The following FAM47E variants were observed in gnomAD, a reference collection of about 807,000 sequenced individuals.
FAM47E encodes the protein protein FAM47E.
FAM47E carries 32 observed loss-of-function variants against 41.6 expected under a neutral mutation model. That is an observed-to-expected ratio of 0.77 (90% CI 0.58 to 1.03). The LOEUF (loss-of-function observed/expected upper bound fraction) is 1.03, where lower values mean the gene tolerates loss of function less well. FAM47E is among the 50% of genes least tolerant of loss of function. The probability of loss-of-function intolerance (pLI) is 0.00; values close to 1 mark genes in which losing one functional copy is unlikely to be tolerated. For synonymous variants in FAM47E, 184 were observed against 188.7 expected (o/e 0.98, Z 0.20); for missense variants, 424 against 485.4 (o/e 0.87, Z 1.19).
In FAM47E at chr4:76,241,275, AAG is replaced by A. The variant is rs200992139; in HGVS notation, c.82-22425_82-22424del. 9.0e-3 allele frequency among the ~76,000 whole-genome samples: 1,378 copies of A among 152,270 alleles called. 15 individuals carry two copies. Among genetic ancestry groups the A allele is most frequent in the Middle Eastern group, 0.017 (5 of 294 alleles). ...TGTCTGGCTTCCAAAAATGGAGAAA[AAG>A]AGAAAAATGAAGGGCAGAAAAAGGC... On this transcript the variant is annotated intron_variant, in intron 2 of 7. Coordinates refer to the FAM47E transcript ENST00000510197.
rs775026509 is a variant in FAM47E, at chr4:76,278,168, C to A, written c.970C>A (p.Pro324Thr). The change falls in exon 6 of 8, where the codon CCT becomes ACT. Residue 324 changes from proline (P) to threonine (T), a missense_variant. Transcript: ENST00000424749. ...KQRVDEPLVD[P>T]EVSHKAQEEN... is the part of the protein sequence containing the mutation. The stretch of plus-strand genomic sequence containing the variant: ...AAGAGTAGACGAGCCTCTGGTTGAC[C>A]CTGAGGTCTCACATAAGGCTCAAGA... The A allele has an allele frequency of 3.9e-6, 6 of 1,550,604 alleles. No homozygotes were observed. In the South Asian group the frequency reaches 7.2e-5, roughly 18 times the overall value.
intron 6 of FAM47E, 165 bp from the exon 7 acceptor site, chr4:76,280,099 C>T (rs1735283179): frequency 2.0e-6 from 1 of 495,412 alleles, no homozygotes; most frequent in Non-Finnish European, 3.6e-6. Context: ...CTTTAAAAGC[C>T]TTCATATTCA....
At chr4:76,282,644 AG>A (rs1480590556) in intron 7 of FAM47E, 1 of 152,190 alleles carries the variant, frequency 6.6e-6, no homozygotes, top group African/African-American at 2.4e-5. Flanking sequence ...CAATAGTTTC[AG>A]GGGGTCTCCC....
chr4:76,237,498 T>C (rs562329107), intron 2 of FAM47E, among the ~76,000 whole-genome samples: 15 of 152,196 alleles, frequency 9.9e-5, no homozygotes, highest in Admixed American at 6.5e-4. Context: ...TCCAGCTCCA[T>C]GTATCATTAG....
intron 4 of FAM47E, among the ~76,000 whole-genome samples, chr4:76,270,197 A>G (rs1223424207): frequency 2.3e-5 from 3 of 130,026 alleles, no homozygotes; most frequent in Non-Finnish European, 3.6e-5. Flanking sequence ...TTCTCAATCA[A>G]TATTTCCCCA....
Position 76,277,954 on chromosome 4 carries a change from G to A in FAM47E, c.871-115G>A, listed in dbSNP as rs919544282. The A allele has an allele frequency of 7.1e-6, 9 of 1,272,234 alleles. No individual in the cohort carries two copies. The East Asian group carries it at 1.5e-4, about 21-fold the overall frequency. 78.8% of individuals were successfully genotyped at this position (1,272,234 alleles called of 1,614,324 possible). On this transcript the variant is annotated intron_variant, in intron 5 of 7. Coordinates refer to ENST00000424749, the MANE Select transcript of FAM47E (RefSeq NM_001136570.3). Reference sequence around the variant, plus strand: ...GAAACTTCACAAAATACTTTGGCAAGGACCAACCTAAATTCCAAAGTAATG... The same window carrying A: ...GAAACTTCACAAAATACTTTGGCAAAGACCAACCTAAATTCCAAAGTAATG...
intron 1 of FAM47E, among the ~76,000 whole-genome samples, chr4:76,254,209 C>G (rs1031153592): frequency 6.6e-6 from 1 of 151,530 alleles, no homozygotes; most frequent in African/African-American, 2.4e-5. Context: ...TTCTAACATT[C>G]TATGAAGTTT....
intron 2 of FAM47E, among the ~76,000 whole-genome samples, chr4:76,258,934 T>G (rs1477444453): frequency 2.6e-5 from 4 of 152,154 alleles, no homozygotes; most frequent in Non-Finnish European, 4.4e-5. Flanking sequence ...TGGACTTAAT[T>G]TTAGGTGTCA....
rs186016982 is a variant in FAM47E at position 76,258,026 on chromosome 4, G to T, written c.420+1503G>T. Among the ~76,000 whole-genome samples the T allele has an allele frequency of 4.9e-4, 75 of 152,300 alleles. 1 individual carries two copies. The highest frequency in any genetic ancestry group is 1.6e-3 in the African/African-American group (66 of 41,564). ...TTTCTCTCTGGGGCTTTCCCTCACT[G>T]CCTCCTGCAGGCCAGAACTTCTGAG... On this transcript the variant is annotated intron_variant, in intron 2 of 7. Coordinates refer to ENST00000424749, the MANE Select transcript of FAM47E (RefSeq NM_001136570.3).
intron 2 of FAM47E, 49 bp downstream of exon 2, chr4:76,256,572 A>G (rs751981212): frequency 4.7e-5 from 69 of 1,480,656 alleles, no homozygotes; most frequent in Non-Finnish European, 5.7e-5. Flanking sequence ...GGCCTTGCAA[A>G]TAATTCTATC....
intron 3 of FAM47E, among the ~76,000 whole-genome samples, chr4:76,264,253 A>G (rs1271844625): frequency 6.6e-6 from 1 of 152,104 alleles, no homozygotes; most frequent in Non-Finnish European, 1.5e-5. Flanking sequence ...GCTGGAGGGC[A>G]GTGAAGAGAT....
At chr4:76,229,969 G>A (rs1024094938) in intron 2 of FAM47E, among the ~76,000 whole-genome samples, 4 of 152,188 alleles carry the variant, frequency 2.6e-5, no homozygotes, top group Non-Finnish European at 4.4e-5. Context: ...ATGATCTCCA[G>A]CCAGGAGGTG....
chr4:76,253,541 T>C (rs1411764044), intron 1 of FAM47E, among the ~76,000 whole-genome samples: 2 of 152,132 alleles, frequency 1.3e-5, no homozygotes, highest in Non-Finnish European at 2.9e-5. Context: ...TAATGCAGAA[T>C]GGTAAGCTTA....
upstream of FAM47E, chr4:76,251,686 G>C (rs1041481497): frequency 1.4e-6 from 2 of 1,399,506 alleles, no homozygotes; most frequent in Non-Finnish European, 1.8e-6. Flanking sequence ...CTAGCAACGG[G>C]GCGGCAGCAG....
intron 2 of FAM47E, among the ~76,000 whole-genome samples, chr4:76,239,937 C>T (rs1313857148): frequency 6.6e-6 from 1 of 152,096 alleles, no homozygotes; most frequent in Non-Finnish European, 1.5e-5. Context: ...CAACTGTATT[C>T]TTTTGTATGT....
At chr4:76,279,919 T>A in intron 6 of FAM47E, 1 of 172,156 alleles carries the variant, frequency 5.8e-6, no homozygotes, top group African/African-American at 2.4e-5. Context: ...TCATATTTGA[T>A]TGTCCTGTCC....
chr4:76,248,776 A>T (rs1367819396), upstream of FAM47E, among the ~76,000 whole-genome samples: 1 of 142,464 alleles, frequency 7.0e-6, no homozygotes, highest in Non-Finnish European at 1.5e-5. Context: ...AATTGTAGTC[A>T]TTACTTAGAG....
intron 2 of FAM47E, among the ~76,000 whole-genome samples, chr4:76,232,016 T>A (rs1733502223): frequency 6.6e-6 from 1 of 152,220 alleles, no homozygotes; most frequent in South Asian, 2.1e-4. Flanking sequence ...CCTATTGCAC[T>A]GATGTAAACA....
chr4:76,276,033 G>GACACAC (rs757663103), intron 5 of FAM47E, among the ~76,000 whole-genome samples: 4 of 79,256 alleles, frequency 5.0e-5, no homozygotes, highest in African/African-American at 1.4e-4. Context: ...CAGACAGACA[G>GACACAC]ACAGACACAC....
Sources: allele counts gnomAD v4.1 joint callset (sites outside exome capture counted in the v4.1 genomes callset), GRCh38; gene constraint gnomAD v4.1.1; transcripts MANE v1.5; gene names NCBI Gene and HGNC (gene_info 2026-07-23, HGNC 2026-07-21).